Variants in DSE observed in about 807,000 individuals in gnomAD.
DSE encodes the protein dermatan sulfate epimerase, also known as dermatan-sulfate epimerase.
A neutral mutation model predicts 84.4 loss-of-function variants in DSE; 36 were observed. That is an observed-to-expected ratio of 0.43 (90% confidence interval 0.33 to 0.56). The LOEUF (loss-of-function observed/expected upper bound fraction) is 0.56, where lower values mean the gene tolerates loss of function less well. Among genes scored for constraint, DSE ranks in the 20% least tolerant of loss-of-function variants. DSE has a pLI of 0.06. For synonymous variants in DSE, 410 were observed against 430.1 expected (o/e 0.95, Z 0.58); for missense variants, 862 against 1,169.6 (o/e 0.74, Z 3.84).
In DSE at chr6:116,382,954, A is replaced by G. The variant is rs557824008; in HGVS notation, c.-54+11833A>G. 4.6e-5 allele frequency among the ~76,000 whole-genome samples: 7 copies of G among 152,350 alleles called. No individual in the cohort carries two copies. In the South Asian group the frequency reaches 1.4e-3, roughly 32 times the overall value. On this transcript the variant is annotated intron_variant, in intron 1 of 5. Coordinates refer to ENST00000644252, the MANE Select transcript of DSE (RefSeq NM_013352.4). ...GGTGATTTCAAATGATAAAAGTGCC[A>G]GGAGAGTCACACCTAGAGTCATTTA...
At chr6:116,289,243 A>G (rs1413549003) in intron 2 of DSE, among the ~76,000 whole-genome samples, 2 of 152,024 alleles carry the variant, frequency 1.3e-5, no homozygotes, top group Non-Finnish European at 2.9e-5. Flanking sequence ...GGTAAGGTAT[A>G]ATAATTTAAA....
At chr6:116,415,343 A>C (rs1479894598) in intron 2 of DSE, among the ~76,000 whole-genome samples, 1 of 152,168 alleles carries the variant, frequency 6.6e-6, no homozygotes, top group Non-Finnish European at 1.5e-5. Context: ...ATGAAACCTG[A>C]TATTCCACTC....
chr6:116,412,260 G>A (rs1782420921), intron 2 of DSE, among the ~76,000 whole-genome samples: 1 of 146,390 alleles, frequency 6.8e-6, no homozygotes, highest in East Asian at 2.0e-4. Context: ...TGTTTTTCTT[G>A]TTTTTTTTTT....
intron 2 of DSE, among the ~76,000 whole-genome samples, chr6:116,266,832 C>T (rs1772648620): frequency 6.6e-6 from 1 of 152,126 alleles, no homozygotes; most frequent in South Asian, 2.1e-4. Flanking sequence ...TGTAAAAATA[C>T]AGCACATATC....
intron 2 of DSE, among the ~76,000 whole-genome samples, chr6:116,311,010 G>T (rs1775663329): frequency 6.6e-6 from 1 of 152,156 alleles, no homozygotes; most frequent in Non-Finnish European, 1.5e-5. Context: ...TGCGCTTCCA[G>T]TGTGCCATGC....
At position 116,436,865 on chromosome 6, in the gene DSE, A is replaced by G; in HGVS notation, c.2397A>G (p.Gln799=). 1 of 1,614,124 alleles carries G rather than the reference A, an allele frequency of 6.2e-7. No individual in the cohort carries two copies. Residue 799 remains glutamine, a synonymous_variant, in exon 6 of 6, where the codon CAA becomes CAG. Coordinates refer to ENST00000644252, the MANE Select transcript of DSE (RefSeq NM_013352.4). Reference sequence around the variant, plus strand: ...ACAGGATTTTTGCCATATCACAGCAACAGCAGCAGCAAAGCAAGTCAAAGA... The same window carrying G: ...ACAGGATTTTTGCCATATCACAGCAGCAGCAGCAGCAAAGCAAGTCAAAGA... ...AIDRIFAISQ[Q]QQQQSKSKKN...
intron 2 of DSE, among the ~76,000 whole-genome samples, chr6:116,291,452 A>G (rs889592557): frequency 3.3e-5 from 5 of 151,960 alleles, no homozygotes; most frequent in African/African-American, 1.2e-4. Flanking sequence ...CTCAAATACA[A>G]GTAGAAGTCC....
intron 1 of DSE, among the ~76,000 whole-genome samples, chr6:116,374,092 T>G (rs1583121445): frequency 1.3e-5 from 2 of 152,190 alleles, no homozygotes; most frequent in Non-Finnish European, 2.9e-5. Flanking sequence ...ATTTTTACCT[T>G]TACCGATTGT....
chr6:116,411,820 C>T (rs1304853848), intron 2 of DSE, among the ~76,000 whole-genome samples: 1 of 152,188 alleles, frequency 6.6e-6, no homozygotes, highest in Non-Finnish European at 1.5e-5. Context: ...TGCTTTTCTA[C>T]TATAACCTGT....
At chr6:116,340,221 G>T (rs1777507066) in intron 2 of DSE, among the ~76,000 whole-genome samples, 1 of 151,996 alleles carries the variant, frequency 6.6e-6, no homozygotes, top group Admixed American at 6.6e-5. Context: ...ATATTTTTCT[G>T]TCTCCTTCTC....
chr6:116,297,400 T>C (rs1437059293), intron 2 of DSE, among the ~76,000 whole-genome samples: 1 of 152,050 alleles, frequency 6.6e-6, no homozygotes, highest in Non-Finnish European at 1.5e-5. Context: ...TTCCTTCCTT[T>C]CTCCTTTTCC....
At chr6:116,370,644 G>T, upstream of DSE, 1 of 718,082 alleles carries the variant, frequency 1.4e-6, no homozygotes, top group Non-Finnish European at 1.7e-6. Flanking sequence ...ACTAGAACAA[G>T]TTAGAGCCAA....
chr6:116,437,403 A>T lies in DSE; in HGVS notation c.*58A>T. On this transcript the variant is annotated 3_prime_UTR_variant, in exon 6 of 6. Transcript: ENST00000644252. Reference sequence around the variant, plus strand: ...GATCACAAGAGTCTATGCAAAAAAAAAAATTTCTTTACCCCAGATTATCAG... The same window carrying T: ...GATCACAAGAGTCTATGCAAAAAAATAAATTTCTTTACCCCAGATTATCAG... The T allele has an allele frequency of 7.1e-7, 1 of 1,415,718 alleles. No homozygotes were observed. Among genetic ancestry groups the T allele is most frequent in the Non-Finnish European group, 9.3e-7 (1 of 1,078,010 alleles). The allele number at this position is 1,415,718 out of a possible 1,614,324, so 87.7% of individuals were successfully genotyped here.
intron 2 of DSE, among the ~76,000 whole-genome samples, chr6:116,308,168 C>A (rs944299209): frequency 3.9e-5 from 6 of 152,152 alleles, no homozygotes; most frequent in African/African-American, 1.4e-4. Context: ...CTCCTGTTGA[C>A]TATTAGACAA....
intron 1 of DSE, among the ~76,000 whole-genome samples, chr6:116,383,421 C>T (rs1267031620): frequency 6.6e-6 from 1 of 152,000 alleles, no homozygotes. Context: ...AAGTATATGC[C>T]TAGATTAGGA....
At chr6:116,342,842 G>A (rs1047992452) in intron 2 of DSE, among the ~76,000 whole-genome samples, 3 of 152,000 alleles carry the variant, frequency 2.0e-5, no homozygotes, top group Admixed American at 6.6e-5. Flanking sequence ...GGAGCAGGGC[G>A]GGGCATCGCC....
chr6:116,409,427 A>G (rs751378369), intron 2 of DSE, among the ~76,000 whole-genome samples: 11 of 152,006 alleles, frequency 7.2e-5, no homozygotes, highest in Non-Finnish European at 1.0e-4. Context: ...ACAGGTGCCC[A>G]CCACCACGCC....
At chr6:116,293,527 T>A (rs1292159543) in intron 2 of DSE, among the ~76,000 whole-genome samples, 1 of 152,102 alleles carries the variant, frequency 6.6e-6, no homozygotes, top group East Asian at 1.9e-4. Flanking sequence ...GTTTGAAGAG[T>A]GATTTAAAAT....
At chr6:116,419,162 A>G (rs1353155484) in intron 2 of DSE, among the ~76,000 whole-genome samples, 1 of 152,198 alleles carries the variant, frequency 6.6e-6, no homozygotes, top group Non-Finnish European at 1.5e-5. Context: ...TCTATCTTTC[A>G]GGCTTAATCT....
Sources: gnomAD v4.1 joint callset for allele counts (sites outside exome capture counted in the v4.1 genomes callset) on GRCh38, gnomAD v4.1.1 for gene constraint, MANE v1.5 for transcripts, NCBI Gene and HGNC (gene_info 2026-07-23, HGNC 2026-07-21) for gene names.